Variants in LYPD6 observed in about 807,000 individuals in gnomAD.
LYPD6 encodes LY6/PLAUR domain containing 6.
A neutral mutation model predicts 22.7 loss-of-function variants in LYPD6; 15 were observed. The ratio of observed to expected loss-of-function variants is 0.66; its 90% CI spans 0.44 to 1.02. LYPD6 has a LOEUF of 1.02. Ranked by LOEUF, LYPD6 falls within the 50% of genes least tolerant of loss-of-function variation. The pLI is 0.00. For missense variants in LYPD6, 189 were observed against 208.4 expected (o/e 0.91, Z 0.57); for synonymous variants, 72 against 77.5 (o/e 0.93, Z 0.37).
intron 2 of LYPD6, among the ~76,000 whole-genome samples, chr2:149,448,419 G>A (rs1015611361): frequency 1.3e-5 from 2 of 152,158 alleles, no homozygotes; most frequent in African/African-American, 4.8e-5. Flanking sequence ...TGTACATTTA[G>A]TTCTACCTAA....
chr2:149,482,890 A>C, the LYPD6 span, among the ~76,000 whole-genome samples: 5 of 152,192 alleles, frequency 3.3e-5, no homozygotes, highest in Non-Finnish European at 5.9e-5. Flanking sequence ...TGACTTAAGA[A>C]AAATCCTGGA....
intron 1 of LYPD6, among the ~76,000 whole-genome samples, chr2:149,412,866 T>C (rs531116192): frequency 1.3e-5 from 2 of 152,332 alleles, no homozygotes; most frequent in African/African-American, 4.8e-5. Flanking sequence ...CATTTGTGAA[T>C]GATGTGCTAG....
chr2:149,470,977 C>T lies in LYPD6; in HGVS notation c.*127C>T. 1.3e-6 allele frequency: 1 copy of T among 793,410 alleles called. No individual in the cohort carries two copies. Among genetic ancestry groups the T allele is most frequent in the Non-Finnish European group, 2.0e-6 (1 of 499,568 alleles). 49.1% of individuals were successfully genotyped at this position (793,410 alleles called of 1,614,324 possible). A position where few individuals can be genotyped will look rare whatever the true frequency, so the allele number is the denominator to read the frequency against. ...CAACACTCTTGGAGGTCATCACAGCCAAGCATTGCCACTTACCATGAGGAA... is the reference window on the plus strand; with the variant it reads ...CAACACTCTTGGAGGTCATCACAGCTAAGCATTGCCACTTACCATGAGGAA... On this transcript the variant is annotated 3_prime_UTR_variant, in exon 5 of 5. Coordinates refer to ENST00000334166, the MANE Select transcript of LYPD6 (RefSeq NM_194317.5).
intron 1 of LYPD6, among the ~76,000 whole-genome samples, chr2:149,406,277 C>T (rs1682705705): frequency 6.6e-6 from 1 of 152,038 alleles, no homozygotes; most frequent in East Asian, 1.9e-4. Flanking sequence ...GAGTTCAATT[C>T]CTGGGTATCT....
At chr2:149,424,816 C>T (rs190822109) in intron 1 of LYPD6, among the ~76,000 whole-genome samples, 1 of 152,258 alleles carries the variant, frequency 6.6e-6, no homozygotes, top group Non-Finnish European at 1.5e-5. Flanking sequence ...CATGGGAAGG[C>T]TTGTAGACTT....
chr2:149,412,147 TA>T (rs1682864324), intron 1 of LYPD6, among the ~76,000 whole-genome samples: 1 of 152,146 alleles, frequency 6.6e-6, no homozygotes, highest in South Asian at 2.1e-4. Context: ...TATATACATT[TA>T]AAAAATGAAT....
chr2:149,442,703 T>C (rs1302755141), intron 2 of LYPD6, among the ~76,000 whole-genome samples: 1 of 151,772 alleles, frequency 6.6e-6, no homozygotes, highest in African/African-American at 2.4e-5. Flanking sequence ...TTACTGGAGA[T>C]AGTTGTTCAT....
intron 1 of LYPD6, among the ~76,000 whole-genome samples, chr2:149,401,075 G>A (rs1051246959): frequency 6.6e-6 from 1 of 152,204 alleles, no homozygotes; most frequent in Non-Finnish European, 1.5e-5. Flanking sequence ...CCAGTGCAAA[G>A]CTTTCTTGGA....
At chr2:149,430,043 G>C (rs756168910) in intron 1 of LYPD6, among the ~76,000 whole-genome samples, 1 of 152,134 alleles carries the variant, frequency 6.6e-6, no homozygotes, top group Non-Finnish European at 1.5e-5. Context: ...GAGTCAAAAT[G>C]ACAAGATGTA....
At chr2:149,362,729 G>T (rs184404731) in intron 1 of LYPD6, among the ~76,000 whole-genome samples, 14 of 152,132 alleles carry the variant, frequency 9.2e-5, no homozygotes, top group Admixed American at 7.2e-4. Flanking sequence ...AAGGGGGCTA[G>T]AACTCATTAT....
intron 1 of LYPD6, among the ~76,000 whole-genome samples, chr2:149,364,821 A>G (rs1349117795): frequency 2.6e-5 from 4 of 152,178 alleles, no homozygotes; most frequent in Admixed American, 6.5e-5. Flanking sequence ...ATGAGAATGC[A>G]TATCTCACGG....
At chr2:149,346,448 TTGG>T (rs2105054176) in intron 1 of LYPD6, among the ~76,000 whole-genome samples, 1 of 152,260 alleles carries the variant, frequency 6.6e-6, no homozygotes, top group Non-Finnish European at 1.5e-5. Context: ...ATAAAACCAC[TTGG>T]TAGGGTTTGT....
intron 1 of LYPD6, among the ~76,000 whole-genome samples, chr2:149,434,075 G>A (rs1683379790): frequency 6.6e-6 from 1 of 152,018 alleles, no homozygotes; most frequent in Non-Finnish European, 1.5e-5. Context: ...CTGTCAGCCC[G>A]TCATCTATGT....
rs1283511829 is a variant in LYPD6 at position 149,472,662 on chromosome 2, C to A, written c.*1812C>A. ...GAGAGAAAGCAAGACATTTATTAAG[C>A]ACCTCGTATGTGCCAGGCACTATGC... On this transcript the variant is annotated 3_prime_UTR_variant, in exon 5 of 5. Coordinates refer to ENST00000334166, the MANE Select transcript of LYPD6 (RefSeq NM_194317.5). 2 of 152,634 alleles carry A rather than the reference C, an allele frequency of 1.3e-5. No individual in the cohort carries two copies. Among genetic ancestry groups the A allele is most frequent in the South Asian group, 2.1e-4 (1 of 4,824 alleles). 9.5% of individuals were successfully genotyped at this position (152,634 alleles called of 1,614,324 possible).
intron 1 of LYPD6, among the ~76,000 whole-genome samples, chr2:149,362,582 A>G (rs1282278441): frequency 6.6e-6 from 1 of 152,120 alleles, no homozygotes; most frequent in Non-Finnish European, 1.5e-5. Flanking sequence ...AAACAATATA[A>G]GTTTACTTGT....
At chr2:149,354,834 T>C (rs755088837) in intron 1 of LYPD6, among the ~76,000 whole-genome samples, 84 of 152,310 alleles carry the variant, frequency 5.5e-4, no homozygotes, top group Non-Finnish European at 1.0e-3. Flanking sequence ...CTTGGCGATA[T>C]TGGCTTACGT....
intron 3 of LYPD6, among the ~76,000 whole-genome samples, chr2:149,450,517 G>C (rs944593657): frequency 2.0e-5 from 3 of 152,168 alleles, no homozygotes; most frequent in African/African-American, 7.2e-5. Flanking sequence ...TGACTTTTAG[G>C]TAGAGATGAT....
chr2:149,468,182 C>CACACACAT (rs1344504517), intron 3 of LYPD6, among the ~76,000 whole-genome samples: 175 of 147,284 alleles, frequency 1.2e-3, no homozygotes, highest in African/African-American at 3.8e-3. Context: ...CACACACACA[C>CACACACAT]ACACACCAGC....
chr2:149,412,798 C>A (rs1682880081), intron 1 of LYPD6, among the ~76,000 whole-genome samples: 1 of 152,004 alleles, frequency 6.6e-6, no homozygotes, highest in Admixed American at 6.6e-5. Flanking sequence ...ATCCAAACTG[C>A]CTTTTGTGGC....
Sources: allele counts gnomAD v4.1 joint callset (sites outside exome capture counted in the v4.1 genomes callset), GRCh38; gene constraint gnomAD v4.1.1; transcripts MANE v1.5; gene names NCBI Gene and HGNC (gene_info 2026-07-23, HGNC 2026-07-21).